Variants in TAP2 observed in about 807,000 individuals in gnomAD.
TAP2 encodes antigen peptide transporter 2.
A neutral mutation model predicts 74.7 loss-of-function variants in TAP2; 49 were observed. The ratio of observed to expected loss-of-function variants is 0.66; its 90% confidence interval spans 0.52 to 0.83. The LOEUF is 0.83. TAP2 is among the 40% of genes least tolerant of loss of function. The pLI, the probability that TAP2 is intolerant of heterozygous loss-of-function variation, is 0.00. For synonymous variants in TAP2, 306 were observed against 368.4 expected, an observed-to-expected ratio of 0.83 and a Z score of 1.94; for missense variants, 739 against 859.0, an observed-to-expected ratio of 0.86 and a Z score of 1.75.
At chr6:32,831,968 T>A (rs1769108652) in intron 7 of TAP2, among the ~76,000 whole-genome samples, 1 of 152,236 alleles carries the variant, frequency 6.6e-6, no homozygotes. Context: ...ATAATGGCTT[T>A]GTTGTTATAC....
At position 32,828,674 on chromosome 6, in the gene TAP2, A is replaced by C. The variant is rs141809764; in HGVS notation, c.*232T>G. On this transcript the variant is annotated 3_prime_UTR_variant, in exon 12 of 12. Transcript: ENST00000374897. ...GGAATTAAGTTTCCTGGACACAGAC[A>C]GCCCCCACCCCACCCCACCCCACCT... is the stretch of plus-strand genomic sequence containing the variant. 7,292 of 921,994 alleles carry C rather than the reference A, an allele frequency of 7.9e-3. 52 individuals carry two copies. The highest frequency in any genetic ancestry group is 0.011 in the Middle Eastern group (21 of 1,840). 57.1% of individuals were successfully genotyped at this position (921,994 alleles called of 1,614,324 possible). A position where few individuals can be genotyped will look rare whatever the true frequency, so the allele number is the denominator to read the frequency against.
At position 32,832,624 on chromosome 6, in the gene TAP2, T is replaced by C; in HGVS notation, c.1143+3A>G. The stretch of plus-strand genomic sequence containing the variant: ...TCCTTTCACAACCACTCTGGTATCT[T>C]ACCCTCCTTACGAGCAGGTACAAGG... On this transcript the variant is annotated splice_donor_region_variant and intron_variant, in intron 6 of 11. Transcript: ENST00000374897. This position sits in a 1 kb window ranked among gnomAD's most constrained non-coding sequence, Gnocchi z 5.9. 6.2e-7 allele frequency: 1 copy of C among 1,613,112 alleles called. No individual in the cohort carries two copies. The highest frequency in any genetic ancestry group is 8.5e-7 in the Non-Finnish European group (1 of 1,180,030).
chr6:32,832,860 T>C lies in TAP2; in HGVS notation c.946-36A>G, dbSNP rs751576891. On this transcript the variant is annotated intron_variant, in intron 5 of 11. Transcript: ENST00000374897. This position sits in a 1 kb window ranked among gnomAD's most constrained non-coding sequence, Gnocchi z 5.9. ...GGGCCAGCAAACACCAGGGCTGATG[T>C]GCAAAGACAGCAGGCCCCCACATCT... is the stretch of plus-strand genomic sequence containing the variant. 3.7e-6 allele frequency: 6 copies of C among 1,607,820 alleles called. No homozygotes were observed. Among genetic ancestry groups the C allele is most frequent in the Non-Finnish European group, 5.1e-6 (6 of 1,179,134 alleles).
In TAP2 at chr6:32,832,299, GA is replaced by G; in HGVS notation, c.1272+33del. ...AGGAGTCCACAAAGAAAAAGAGAGG[GA>G]AAAAAGGAGAGCAGGCTTGGCTTCT... is the stretch of plus-strand genomic sequence containing the variant. On this transcript the variant is annotated intron_variant, in intron 7 of 11. Transcript: ENST00000374897. The surrounding 1 kb of genome is among the most constrained non-coding windows in gnomAD (Gnocchi z 5.9). The G allele has an allele frequency of 6.2e-7, 1 of 1,612,756 alleles. No homozygotes were observed. Among genetic ancestry groups the G allele is most frequent in the Non-Finnish European group, 8.5e-7 (1 of 1,179,930 alleles).
In TAP2 at chr6:32,832,833, G is replaced by A. The variant is rs752507507; in HGVS notation, c.946-9C>T. 13 of 1,611,330 alleles carry A rather than the reference G, an allele frequency of 8.1e-6. No individual in the cohort carries two copies. The highest frequency in any genetic ancestry group is 3.3e-5 in the Admixed American group (2 of 59,998). ...ATCTCCCGAAGCACTTCCTGGAAAAGAGGGCCAGCAAACACCAGGGCTGAT... is the reference window on the plus strand; with the variant it reads ...ATCTCCCGAAGCACTTCCTGGAAAAAAGGGCCAGCAAACACCAGGGCTGAT... On this transcript the variant is annotated splice_polypyrimidine_tract_variant and intron_variant, in intron 5 of 11. Coordinates refer to ENST00000374897, the MANE Select transcript of TAP2 (RefSeq NM_001290043.2). This position sits in a 1 kb window ranked among gnomAD's most constrained non-coding sequence, Gnocchi z 5.9.
At position 32,829,501 on chromosome 6, in the gene TAP2, G is replaced by C. The variant is rs1158351568; in HGVS notation, c.1831C>G (p.Gln611Glu). 6.2e-7 allele frequency: 1 copy of C among 1,614,094 alleles called. No homozygotes were observed. The highest frequency in any genetic ancestry group is 8.5e-7 in the Non-Finnish European group (1 of 1,180,042). Reference sequence around the variant, plus strand: ...CGGGCAATGGCCAGACGTTGTTTCTGTCCCGCAGCCAGCTGGCTTCCCTTC... The same window carrying C: ...CGGGCAATGGCCAGACGTTGTTTCTCTCCCGCAGCCAGCTGGCTTCCCTTC... ...GEKGSQLAAG[Q>E]KQRLAIARAL... The change falls in exon 11 of 12, where the codon CAG becomes GAG. Residue 611 changes from glutamine to glutamate, a missense_variant. Transcript: ENST00000374897.
rs140532996 is a variant in TAP2, at chr6:32,835,162, G to A, written c.937C>T (p.Arg313Cys). 4.3e-5 allele frequency: 70 copies of A among 1,612,604 alleles called. No individual in the cohort carries two copies. The African/African-American group carries it at 6.4e-4, about 15-fold the overall frequency. Residue 313 changes from arginine (R) to cysteine (C), a missense_variant, in exon 5 of 12, where the codon CGC becomes TGC. Arg to Cys is a radical substitution (Grantham distance 180). Coordinates refer to ENST00000374897, the MANE Select transcript of TAP2 (RefSeq NM_001290043.2). The surrounding 1 kb of genome is among the most constrained non-coding windows in gnomAD (Gnocchi z 4.0). ...TIAAEKVYNTRHQEVLREIQD... is the reference protein window; with the variant it reads ...TIAAEKVYNTCHQEVLREIQD... ...CTTACATGCACGCTCACCTGATGGCGGGTGTTGTACACCTTCTCCGCTGCT... is the reference window on the plus strand; with the variant it reads ...CTTACATGCACGCTCACCTGATGGCAGGTGTTGTACACCTTCTCCGCTGCT...
At chr6:32,822,794 G>C (rs1239312425), downstream of TAP2, among the ~76,000 whole-genome samples, 1 of 151,918 alleles carries the variant, frequency 6.6e-6, no homozygotes, top group Non-Finnish European at 1.5e-5. Flanking sequence ...GCCTCCCAAA[G>C]TGCTGGGATT....
chr6:32,825,814 C>T lies in TAP2; in HGVS notation c.*3092G>A, dbSNP rs987226708. On this transcript the variant is annotated 3_prime_UTR_variant, in exon 12 of 12. Transcript: ENST00000374897. The stretch of plus-strand genomic sequence containing the variant: ...CTGGGCAAGTCCACCTCTTCCTTAG[C>T]TATGTGACCCAGGCAAGTTAGTAAA... 4 of 253,986 alleles carry T rather than the reference C, an allele frequency of 1.6e-5. No homozygotes were observed. In the Admixed American group the frequency reaches 2.6e-4, roughly 16 times the overall value. 15.7% of individuals were successfully genotyped at this position (253,986 alleles called of 1,614,324 possible).
chr6:32,823,212 G>A (rs1180796379), downstream of TAP2, among the ~76,000 whole-genome samples: 5 of 152,074 alleles, frequency 3.3e-5, no homozygotes, highest in Admixed American at 2.0e-4. Context: ...GAATCACCAG[G>A]CCCAGCCTAT....
chr6:32,831,905 T>C (rs1769105291), intron 7 of TAP2, among the ~76,000 whole-genome samples: 1 of 152,266 alleles, frequency 6.6e-6, no homozygotes, highest in Non-Finnish European at 1.5e-5. Context: ...AGTGGAAATT[T>C]GACAATTGAC....
At position 32,826,004 on chromosome 6, in the gene TAP2, C is replaced by T; in HGVS notation, c.*2902G>A. The T allele has an allele frequency of 1.0e-6, 1 of 985,378 alleles. No individual in the cohort carries two copies. 61.0% of individuals were successfully genotyped at this position (985,378 alleles called of 1,614,324 possible). A position where few individuals can be genotyped will look rare whatever the true frequency, so the allele number is the denominator to read the frequency against. ...CTTAGTAGTAGTAGTAGTCTAATTC[C>T]TAAGAGTCCATGGAACTCTAGGTTC... is the stretch of plus-strand genomic sequence containing the variant. On this transcript the variant is annotated 3_prime_UTR_variant, in exon 12 of 12. Transcript: ENST00000374897.
At chr6:32,838,493 CCCCA>C (rs1239565095) in intron 1 of TAP2, among the ~76,000 whole-genome samples, 156 bp downstream of exon 1, 1 of 151,628 alleles carries the variant, frequency 6.6e-6, no homozygotes, top group Non-Finnish European at 1.5e-5. Context: ...ATCCCCGGAC[CCCCA>C]CCCCCACCCC....
rs931428072 is a variant in TAP2 at position 32,832,221 on chromosome 6, G to A, written c.1272+112C>T. Reference sequence around the variant, plus strand: ...AATTCTCCATAGCAAAATTACTTGCGGGTTTTGGTTTTGTATTGTATTGTT... The same window carrying A: ...AATTCTCCATAGCAAAATTACTTGCAGGTTTTGGTTTTGTATTGTATTGTT... On this transcript the variant is annotated intron_variant, in intron 7 of 11. Coordinates refer to ENST00000374897, the MANE Select transcript of TAP2 (RefSeq NM_001290043.2). This position sits in a 1 kb window ranked among gnomAD's most constrained non-coding sequence, Gnocchi z 5.9. 5.4e-6 allele frequency: 8 copies of A among 1,469,456 alleles called. No individual in the cohort carries two copies. The African/African-American group carries it at 7.0e-5, about 13-fold the overall frequency. 91.0% of individuals were successfully genotyped at this position (1,469,456 alleles called of 1,614,324 possible).
chr6:32,835,267 C>CT lies in TAP2; in HGVS notation c.831dup (p.Val278SerfsTer74). The CT allele has an allele frequency of 1.2e-6, 2 of 1,613,114 alleles. No homozygotes were observed. The highest frequency in any genetic ancestry group is 1.7e-6 in the Non-Finnish European group (2 of 1,180,044). On this transcript the variant is annotated frameshift_variant, in exon 5 of 12. Transcript: ENST00000374897. LOFTEE classifies it high-confidence loss of function. The surrounding 1 kb of genome is among the most constrained non-coding windows in gnomAD (Gnocchi z 4.0). ...AGCATGAAGCCATACAGCCCCACCA[C>CT]TTTCACCAGGCTTCGCAAGAGCACA...
rs1178341416 is a variant in TAP2, at chr6:32,828,369, G to A, written c.*537C>T. The A allele has an allele frequency of 2.0e-6, 2 of 985,604 alleles. No individual in the cohort carries two copies. The highest frequency in any genetic ancestry group is 1.8e-5 in the African/African-American group (1 of 57,132). 61.1% of individuals were successfully genotyped at this position (985,604 alleles called of 1,614,324 possible). A position where few individuals can be genotyped will look rare whatever the true frequency, so the allele number is the denominator to read the frequency against. On this transcript the variant is annotated 3_prime_UTR_variant, in exon 12 of 12. Coordinates refer to ENST00000374897, the MANE Select transcript of TAP2 (RefSeq NM_001290043.2). Reference sequence around the variant, plus strand: ...GCAGACACTGGTAGGAACAAGGAAGGATATAGGAAGGCAATCTCATGAATA... The same window carrying A: ...GCAGACACTGGTAGGAACAAGGAAGAATATAGGAAGGCAATCTCATGAATA...
rs774034040 is a variant in TAP2 at position 32,835,237 on chromosome 6, T to A, written c.862A>T (p.Ile288Leu). Residue 288 changes from isoleucine to leucine, a missense_variant, in exon 5 of 12, where the codon ATA becomes TTA. Coordinates refer to ENST00000374897, the MANE Select transcript of TAP2 (RefSeq NM_001290043.2). This position sits in a 1 kb window ranked among gnomAD's most constrained non-coding sequence, Gnocchi z 4.0. ...VVGLYGFMLS[I>L]SPRLTLLSLL... ...GAAAGGAGGGTGAGTCGAGGCGATATGCTGAGCATGAAGCCATACAGCCCC... is the reference window on the plus strand; with the variant it reads ...GAAAGGAGGGTGAGTCGAGGCGATAAGCTGAGCATGAAGCCATACAGCCCC... 3.1e-6 allele frequency: 5 copies of A among 1,613,096 alleles called. No individual in the cohort carries two copies. In the South Asian group the frequency reaches 4.4e-5, roughly 14 times the overall value.
chr6:32,835,702 T>G lies in TAP2; in HGVS notation c.680A>C (p.Glu227Ala). 6.2e-7 allele frequency: 1 copy of G among 1,612,928 alleles called. No homozygotes were observed. Among genetic ancestry groups the G allele is most frequent in the South Asian group, 1.1e-5 (1 of 91,066 alleles). Residue 227 changes from glutamate (E) to alanine (A), a missense_variant, in exon 4 of 12, where the codon GAG becomes GCG. Coordinates refer to ENST00000374897, the MANE Select transcript of TAP2 (RefSeq NM_001290043.2). The surrounding 1 kb of genome is among the most constrained non-coding windows in gnomAD (Gnocchi z 4.0). ...TMSRINLRIR[E>A]QLFSSLLRQD... Reference sequence around the variant, plus strand: ...GCGCAGCAGGGAGGAGAAAAGCTGCTCCCGGATCCGCAAGTTGATTCGAGA... The same window carrying G: ...GCGCAGCAGGGAGGAGAAAAGCTGCGCCCGGATCCGCAAGTTGATTCGAGA...
rs966582851 is a variant in TAP2, at chr6:32,837,732, C to T, written c.493+9G>A. The T allele has an allele frequency of 6.2e-7, 1 of 1,614,206 alleles. No homozygotes were observed. Among genetic ancestry groups the T allele is most frequent in the African/African-American group, 1.3e-5 (1 of 75,032 alleles). On this transcript the variant is annotated intron_variant, in intron 2 of 11. Transcript: ENST00000374897. ...CACCTCCAACTCACAACGTCCTCTC[C>T]TGACTCACCCAAAACAGCAAGGACA...
Sources: allele counts gnomAD v4.1 joint callset (sites outside exome capture counted in the v4.1 genomes callset), GRCh38; gene constraint gnomAD v4.1.1; non-coding constraint Gnocchi (gnomAD v3.1); transcripts MANE v1.5; gene names NCBI Gene and HGNC (gene_info 2026-07-23, HGNC 2026-07-21).